Variants in NBPF15 observed in about 807,000 individuals in gnomAD.
The protein encoded by NBPF15 is NBPF member 15.
A neutral mutation model predicts 62.2 loss-of-function variants in NBPF15; 74 were observed. The ratio of observed to expected loss-of-function variants is 1.19; its 90% CI spans 0.99 to 1.44. NBPF15 has a LOEUF of 1.44. NBPF15 is among the 40% of genes most tolerant of loss of function. The pLI is 0.00. For synonymous variants in NBPF15, 244 were observed against 209.7 expected (o/e 1.16, Z -1.41); for missense variants, 790 against 550.0 (o/e 1.44, Z -4.36).
intron 14 of NBPF15, among the ~76,000 whole-genome samples, chr1:144,429,002 T>G (rs1448712221): frequency 2.6e-5 from 4 of 151,818 alleles, no homozygotes; most frequent in Non-Finnish European, 4.4e-5. Context: ...TTTCTCTCAT[T>G]AAATACCCAG....
chr1:144,436,980 C>T lies in NBPF15; in HGVS notation c.408G>A (p.Pro136=), dbSNP rs1202884886. 3.7e-4 allele frequency: 576 copies of T among 1,576,586 alleles called. 5 individuals are homozygous for T. In the East Asian group the frequency reaches 7.9e-3, roughly 22 times the overall value. ...HLQALLTPDE[P]DKSQGQDLQE... is the part of the protein sequence containing the mutation. ...GGAGGTCCTGCCCCTGGGACTTGTC[C>T]GGCTCATCCGGAGTGAGGAGGGCCT... Residue 136 remains proline, a synonymous_variant, in exon 10 of 22, where the codon CCG becomes CCA. Transcript: ENST00000581897.
At position 144,440,008 on chromosome 1, in the gene NBPF15, A is replaced by G; in HGVS notation, c.-5T>C. ...AGGGCCGGCTGATACCACCATGCTG[A>G]CGTTTGTGGCAGAAGAGGTGGAGTC... On this transcript the variant is annotated 5_prime_UTR_variant, in exon 8 of 22. Transcript: ENST00000581897. 6.2e-7 allele frequency: 1 copy of G among 1,607,016 alleles called. No individual in the cohort carries two copies. The highest frequency in any genetic ancestry group is 1.1e-5 in the South Asian group (1 of 90,860).
At chr1:144,432,175 A>G (rs1571120977) in intron 13 of NBPF15, among the ~76,000 whole-genome samples, 1 of 151,998 alleles carries the variant, frequency 6.6e-6, no homozygotes, top group Non-Finnish European at 1.5e-5. Flanking sequence ...AAAGAAAAGA[A>G]TTTTCAACCC....
chr1:144,424,634 G>T (rs1307871338), intron 20 of NBPF15, 56 bp downstream of exon 20: 3 of 647,056 alleles, frequency 4.6e-6, no homozygotes, highest in Non-Finnish European at 8.3e-6. Flanking sequence ...GCAGGAATAT[G>T]ATCTTTATAT....
At chr1:144,432,659 C>G (rs1366373807) in intron 13 of NBPF15, among the ~76,000 whole-genome samples, 2 of 151,516 alleles carry the variant, frequency 1.3e-5, no homozygotes, top group Non-Finnish European at 2.9e-5. Context: ...GGTTGCAATC[C>G]TAGTCTCTGA....
At chr1:144,455,692 A>T (rs587725183) in intron 4 of NBPF15, among the ~76,000 whole-genome samples, 2 of 152,004 alleles carry the variant, frequency 1.3e-5, no homozygotes, top group South Asian at 4.2e-4. Context: ...CCCTCCTTGC[A>T]CTGGCTCCCA....
chr1:144,453,899 C>A (rs1364295756), intron 4 of NBPF15, among the ~76,000 whole-genome samples: 5 of 134,252 alleles, frequency 3.7e-5, no homozygotes, highest in East Asian at 2.1e-4. Flanking sequence ...TCACTTTGGA[C>A]AACTTAAGTT....
At position 144,427,817 on chromosome 1, in the gene NBPF15, C is replaced by T. The variant is rs1670888772; in HGVS notation, c.1213+1G>A. ...TATCACCTTCATAGAAAGGTACTCA[C>T]CATCCATGTCAATAGCCAAGCCAAC... On this transcript the variant is annotated splice_donor_variant, in intron 16 of 21. Transcript: ENST00000581897. LOFTEE classifies it high-confidence loss of function. 2.8e-6 allele frequency: 2 copies of T among 716,616 alleles called. No homozygotes were observed. Among genetic ancestry groups the T allele is most frequent in the Non-Finnish European group, 2.6e-6 (1 of 391,236 alleles). The allele number at this position is 716,616 out of a possible 1,614,324, so 44.4% of individuals were successfully genotyped here. A position where few individuals can be genotyped will look rare whatever the true frequency, so the allele number is the denominator to read the frequency against.
chr1:144,437,156 G>C, intron 9 of NBPF15, 47 bp from the exon 10 acceptor site: 1 of 1,457,422 alleles, frequency 6.9e-7, no homozygotes. Context: ...AGGGTTGAGT[G>C]ATCCGCTCAA....
chr1:144,425,071 C>A (rs1342037417), intron 19 of NBPF15, among the ~76,000 whole-genome samples: 1 of 127,204 alleles, frequency 7.9e-6, no homozygotes, highest in Non-Finnish European at 1.6e-5. Context: ...CACACACACA[C>A]ACACACACAC....
At chr1:144,426,517 T>C in intron 17 of NBPF15, 67 bp from the exon 18 acceptor site, 1 of 775,790 alleles carries the variant, frequency 1.3e-6, no homozygotes, top group Non-Finnish European at 2.4e-6. Context: ...CCCAGCTAGA[T>C]TTCATGGCTA....
intron 21 of NBPF15, among the ~76,000 whole-genome samples, chr1:144,423,461 G>GAC (rs1667231910): frequency 1.3e-5 from 2 of 151,768 alleles, no homozygotes; most frequent in Admixed American, 1.3e-4. Context: ...GACAGAGAGA[G>GAC]AGAGACAGAG....
chr1:144,423,301 A>G (rs782205419), intron 21 of NBPF15, 45 bp from the exon 22 acceptor site: 9 of 1,611,426 alleles, frequency 5.6e-6, no homozygotes, highest in Non-Finnish European at 7.6e-6. Flanking sequence ...GGAAAATCAG[A>G]CACCACAGAG....
At chr1:144,460,143 G>C (rs1651598295) in intron 2 of NBPF15, among the ~76,000 whole-genome samples, 1 of 107,750 alleles carries the variant, frequency 9.3e-6, no homozygotes, top group Non-Finnish European at 1.8e-5. Context: ...CCTGGGCTCT[G>C]GTGATCCTCC....
Position 144,445,822 on chromosome 1 carries a change from T to C in NBPF15, c.-191+2953A>G, listed in dbSNP as rs1443384181. 8.7e-4 allele frequency among the ~76,000 whole-genome samples: 131 copies of C among 150,148 alleles called. 3 individuals carry two copies. Among genetic ancestry groups the C allele is most frequent in the African/African-American group, 3.0e-3 (122 of 40,926 alleles). On this transcript the variant is annotated intron_variant, in intron 6 of 21. Coordinates refer to ENST00000581897, the MANE Select transcript of NBPF15 (RefSeq NM_001385408.1). ...AAGCAATTTTTTGTAGTTTTTGGTG[T>C]ACTGGCCTTACATAAATTTTGTTGA...
intron 19 of NBPF15, among the ~76,000 whole-genome samples, chr1:144,425,109 C>CAT (rs1553539048): frequency 9.8e-5 from 14 of 142,986 alleles, no homozygotes; most frequent in South Asian, 4.6e-4. Flanking sequence ...CACACAGACA[C>CAT]ACACACACAG....
rs1374627423 is a variant in NBPF15, at chr1:144,436,950, T to A, written c.438A>T (p.Glu146Asp). 1.4e-5 allele frequency: 22 copies of A among 1,611,954 alleles called. No individual in the cohort carries two copies. Among genetic ancestry groups the A allele is most frequent in the Non-Finnish European group, 1.8e-5 (21 of 1,179,636 alleles). Residue 146 changes from glutamate (E) to aspartate (D), a missense_variant, in exon 10 of 22, where the codon GAA becomes GAT. Coordinates refer to ENST00000581897, the MANE Select transcript of NBPF15 (RefSeq NM_001385408.1). ...PDKSQGQDLQ[E>D]QLAEGCRLTQ... is the part of the protein sequence containing the mutation. ...TCAGTCTACACCCCTCAGCCAGCTG[T>A]TCTTGGAGGTCCTGCCCCTGGGACT... is the stretch of plus-strand genomic sequence containing the variant.
Position 144,442,181 on chromosome 1 carries a change from ATATATATACACGTGTATATATATTAT to A in NBPF15, c.-190-1912_-190-1887del, listed in dbSNP as rs1683716733. Reference sequence around the variant, plus strand: ...ACACGTGTATATATATATATATATAATATATATACACGTGTATATATATTATTAATATATATAATATATATATTAAT... The same window carrying A: ...ACACGTGTATATATATATATATATAATAATATATATAATATATATATTAAT... On this transcript the variant is annotated intron_variant, in intron 6 of 21. Coordinates refer to ENST00000581897, the MANE Select transcript of NBPF15 (RefSeq NM_001385408.1). Among the ~76,000 whole-genome samples, 4 of 112,136 alleles carry A rather than the reference ATATATATACACGTGTATATATATTAT, an allele frequency of 3.6e-5. No individual in the cohort carries two copies. The Admixed American group carries it at 3.8e-4, about 11-fold the overall frequency. 73.6% of individuals were successfully genotyped at this position (112,136 alleles called of 152,430 possible). A position where few individuals can be genotyped will look rare whatever the true frequency, so the allele number is the denominator to read the frequency against.
At chr1:144,424,473 G>C (rs1449859942) in intron 20 of NBPF15, among the ~76,000 whole-genome samples, 2 of 152,034 alleles carry the variant, frequency 1.3e-5, no homozygotes, top group African/African-American at 2.4e-5. Context: ...GAGTGCCACA[G>C]GCATGGCCTG....
Sources: allele counts gnomAD v4.1 joint callset (sites outside exome capture counted in the v4.1 genomes callset), GRCh38; gene constraint gnomAD v4.1.1; transcripts MANE v1.5; gene names NCBI Gene and HGNC (gene_info 2026-07-23, HGNC 2026-07-21).